Variants in AMZ1 observed in about 807,000 individuals in gnomAD.
The protein encoded by AMZ1 is archaemetzincin-1.
A neutral mutation model predicts 29.9 loss-of-function variants in AMZ1; 39 were observed. The ratio of observed to expected loss-of-function variants is 1.30; its 90% CI spans 1.01 to 1.70. The LOEUF is 1.70. AMZ1 is among the 40% of genes most tolerant of loss of function. AMZ1 has a pLI of 0.00. For missense variants in AMZ1, 1,041 were observed against 680.6 expected (o/e 1.53, Z -5.89); for synonymous variants, 458 against 304.0 (o/e 1.51, Z -5.27).
Position 2,708,652 on chromosome 7 carries a change from A to C in AMZ1, c.537A>C (p.Thr179=), listed in dbSNP as rs1397667430. 6.2e-7 allele frequency: 1 copy of C among 1,613,148 alleles called. No individual in the cohort carries two copies. The highest frequency in any genetic ancestry group is 8.5e-7 in the Non-Finnish European group (1 of 1,179,976). The stretch of plus-strand genomic sequence containing the variant: ...ACGCGCTGTGTGTGCTGGGCCTCAC[A>C]CTGTCTGACCTGTACCCCCATGAGG... ...PGDALCVLGL[T]LSDLYPHEAW... The change falls in exon 4 of 7, where the codon ACA becomes ACC. Residue 179 remains threonine (T), a synonymous_variant. Coordinates refer to ENST00000683327, the MANE Select transcript of AMZ1 (RefSeq NM_001384743.1).
At position 2,709,032 on chromosome 7, in the gene AMZ1, A is replaced by C. The variant is rs768713874; in HGVS notation, c.602-43A>C. 5.9e-6 allele frequency: 9 copies of C among 1,526,486 alleles called. 1 individual carries two copies. The East Asian group carries it at 2.1e-4, about 35-fold the overall frequency. 94.6% of individuals were successfully genotyped at this position (1,526,486 alleles called of 1,614,324 possible). A position where few individuals can be genotyped will look rare whatever the true frequency, so the allele number is the denominator to read the frequency against. Reference sequence around the variant, plus strand: ...GTTTGACGGTGGGCCCCCCAGAGCCAAGGCTGACCCCTGAGAGTGCCCTTC... The same window carrying C: ...GTTTGACGGTGGGCCCCCCAGAGCCCAGGCTGACCCCTGAGAGTGCCCTTC... On this transcript the variant is annotated intron_variant, in intron 4 of 6. Transcript: ENST00000683327.
At chr7:2,757,942 A>C (rs1358354090) in intron 4 of AMZ1, among the ~76,000 whole-genome samples, 1 of 152,162 alleles carries the variant, frequency 6.6e-6, no homozygotes, top group African/African-American at 2.4e-5. Flanking sequence ...GAATAGCAAT[A>C]ATAAGGAATG....
chr7:2,712,738 G>T lies in AMZ1; in HGVS notation c.1357G>T (p.Asp453Tyr). Residue 453 changes from aspartate (D) to tyrosine (Y), a missense_variant, in exon 7 of 7, where the codon GAC becomes TAC. Coordinates refer to ENST00000683327, the MANE Select transcript of AMZ1 (RefSeq NM_001384743.1). ...FTGQLPATRQ[D>Y]PPSSRDSVGL... ...GGGCCAGCTCCCGGCCACCAGGCAG[G>T]ACCCACCCAGCAGCAGGGACAGCGT... The T allele has an allele frequency of 6.2e-7, 1 of 1,606,478 alleles. No individual in the cohort carries two copies. Among genetic ancestry groups the T allele is most frequent in the Non-Finnish European group, 8.5e-7 (1 of 1,175,854 alleles).
rs1388498984 is a variant in AMZ1, at chr7:2,718,256, G to A, written c.*5378G>A. ...TGATGCCGAGAGCTCTGGCTCTCCT[G>A]ACTGTGGGCCCAGTGTCCATTTTCT... On this transcript the variant is annotated 3_prime_UTR_variant, in exon 7 of 7. Coordinates refer to ENST00000683327, the MANE Select transcript of AMZ1 (RefSeq NM_001384743.1). 6.6e-6 allele frequency among the ~76,000 whole-genome samples: 1 copy of A among 152,224 alleles called. No individual in the cohort carries two copies. Among genetic ancestry groups the A allele is most frequent in the Non-Finnish European group, 1.5e-5 (1 of 68,038 alleles).
At chr7:2,727,269 T>C (rs749924098) in intron 4 of AMZ1, among the ~76,000 whole-genome samples, 31 of 151,930 alleles carry the variant, frequency 2.0e-4, no homozygotes, top group Non-Finnish European at 3.5e-4. Context: ...TTTAGTAGAG[T>C]TGGGGTTTCA....
intron 4 of AMZ1, among the ~76,000 whole-genome samples, chr7:2,739,671 A>G (rs949821039): frequency 7.2e-5 from 11 of 151,914 alleles, no homozygotes; most frequent in African/African-American, 2.7e-4. Flanking sequence ...GTAGCATCCT[A>G]TGGTAGTTCT....
Position 2,740,124 on chromosome 7 carries a change from G to A in AMZ1, n.551-24588G>A, listed in dbSNP as rs182035810. 4.9e-4 allele frequency among the ~76,000 whole-genome samples: 74 copies of A among 152,138 alleles called. No homozygotes were observed. In the East Asian group the frequency reaches 0.012, roughly 24 times the overall value. ...TTGCTGTTTTCTGATTTTTAAAAAC[G>A]GTGGCCATCCTACTAGCTGTGAAAT... is the stretch of plus-strand genomic sequence containing the variant. On this transcript the variant is annotated intron_variant and non_coding_transcript_variant, in intron 4 of 4. Coordinates refer to the AMZ1 transcript ENST00000489665.
At chr7:2,743,743 C>T (rs576271690) in intron 4 of AMZ1, among the ~76,000 whole-genome samples, 58 of 152,298 alleles carry the variant, frequency 3.8e-4, no homozygotes, top group Admixed American at 1.0e-3. Context: ...ACTCGGGAAG[C>T]GCAAGGGGTC....
At chr7:2,719,901 T>G (rs940195204), downstream of AMZ1, among the ~76,000 whole-genome samples, 1 of 152,172 alleles carries the variant, frequency 6.6e-6, no homozygotes, top group African/African-American at 2.4e-5. Flanking sequence ...CAGGCTGGTC[T>G]CAAACTCCTG....
intron 4 of AMZ1, 144 bp downstream of exon 4, chr7:2,708,860 C>T: frequency 1.5e-6 from 2 of 1,370,272 alleles, no homozygotes; most frequent in Admixed American, 4.3e-5. Flanking sequence ...TAGATGGCCC[C>T]TTCCAGCTCC....
intron 1 of AMZ1, chr7:2,765,029 A>G (rs1017683791): frequency 2.6e-5 from 4 of 152,274 alleles, no homozygotes; most frequent in Non-Finnish European, 4.4e-5. Context: ...CTTAAAGGAA[A>G]GGAAGCATAA....
In AMZ1 at chr7:2,700,325, A is replaced by C. The variant is rs1470571790; in HGVS notation, c.-127A>C. 9.0e-7 allele frequency: 1 copy of C among 1,105,994 alleles called. No homozygotes were observed. The highest frequency in any genetic ancestry group is 1.3e-6 in the Non-Finnish European group (1 of 791,480). The allele number at this position is 1,105,994 out of a possible 1,614,324, so 68.5% of individuals were successfully genotyped here. On this transcript the variant is annotated 5_prime_UTR_variant, in exon 2 of 7. Transcript: ENST00000683327. ...GGCCCTTGGACCAGTGTCTGTCTGC[A>C]GGGAGCCCCCGGTAGCCACTCGGAT...
At chr7:2,725,906 G>A (rs952168673) in intron 4 of AMZ1, among the ~76,000 whole-genome samples, 10 of 150,316 alleles carry the variant, frequency 6.7e-5, no homozygotes, top group African/African-American at 2.2e-4. Flanking sequence ...GTATACAGGC[G>A]TCCAGCCCGC....
chr7:2,709,014 G>A (rs116695170), intron 4 of AMZ1, 61 bp from the exon 5 acceptor site: 58 of 1,504,672 alleles, frequency 3.9e-5, no homozygotes, highest in Middle Eastern at 1.8e-4. Context: ...TGGGTTTGAC[G>A]GTGGGCCCCC....
At position 2,695,931 on chromosome 7, in the gene AMZ1, A is replaced by T. The variant is rs1300010016; in HGVS notation, c.-218-4303A>T. On this transcript the variant is annotated intron_variant, in intron 1 of 6. Coordinates refer to ENST00000683327, the MANE Select transcript of AMZ1 (RefSeq NM_001384743.1). ...AGGCTGAGGCAGGAGAATCGCTTGA[A>T]CCCGGAGGCGGAGGTTGCAGTGAGC... is the stretch of plus-strand genomic sequence containing the variant. Among the ~76,000 whole-genome samples the T allele has an allele frequency of 5.3e-5, 8 of 149,804 alleles. No homozygotes were observed. The East Asian group carries it at 1.6e-3, about 30-fold the overall frequency.
At chr7:2,701,113 C>G (rs1450429144) in intron 2 of AMZ1, among the ~76,000 whole-genome samples, 1 of 152,188 alleles carries the variant, frequency 6.6e-6, no homozygotes, top group East Asian at 1.9e-4. Context: ...CACCTGTAAT[C>G]CCAGCTATTC....
chr7:2,713,117 C>T lies in AMZ1; in HGVS notation c.*239C>T. 5.1e-6 allele frequency: 2 copies of T among 390,986 alleles called. No homozygotes were observed. Among genetic ancestry groups the T allele is most frequent in the African/African-American group, 2.1e-5 (1 of 48,282 alleles). The allele number at this position is 390,986 out of a possible 1,614,324, so 24.2% of individuals were successfully genotyped here. A position where few individuals can be genotyped will look rare whatever the true frequency, so the allele number is the denominator to read the frequency against. ...ATTAGCTGGATGAAGTGGTTCATGC[C>T]TGTGTTCCCAGCTATTCAGGAGGCT... is the stretch of plus-strand genomic sequence containing the variant. On this transcript the variant is annotated 3_prime_UTR_variant, in exon 7 of 7. Transcript: ENST00000683327.
intron 4 of AMZ1, among the ~76,000 whole-genome samples, chr7:2,738,419 C>T (rs376336690): frequency 3.9e-5 from 6 of 152,264 alleles, no homozygotes; most frequent in South Asian, 2.1e-4. Context: ...TCAGGGGCTA[C>T]GCACCGGCGA....
intron 1 of AMZ1, among the ~76,000 whole-genome samples, chr7:2,699,879 T>TTGGGGGCCCTTGCCCTTCTG (rs982167228): frequency 6.6e-6 from 1 of 152,164 alleles, no homozygotes; most frequent in Non-Finnish European, 1.5e-5. Context: ...AAGAATGGCC[T>TTGGGGGCCCTTGCCCTTCTG]TGGGGGCCCT....
Sources: gnomAD v4.1 joint callset for allele counts (sites outside exome capture counted in the v4.1 genomes callset) on GRCh38, gnomAD v4.1.1 for gene constraint, MANE v1.5 for transcripts, NCBI Gene and HGNC (gene_info 2026-07-23, HGNC 2026-07-21) for gene names.